The following ADAM12 variants were observed in gnomAD, a reference collection of about 807,000 sequenced individuals.
ADAM12 encodes disintegrin and metalloproteinase domain-containing protein 12.
ADAM12 carries 70 observed loss-of-function variants against 106.4 expected under a neutral mutation model. That is an observed-to-expected ratio of 0.66 (90% CI 0.54 to 0.80). The LOEUF (loss-of-function observed/expected upper bound fraction) is 0.80, where lower values mean the gene tolerates loss of function less well. ADAM12 is among the 30% of genes least tolerant of loss of function. The pLI, the probability that ADAM12 is intolerant of heterozygous loss-of-function variation, is 0.00. For synonymous variants in ADAM12, 420 were observed against 433.5 expected, an observed-to-expected ratio of 0.97 and a Z score of 0.39; for missense variants, 1,010 against 1,171.9, an observed-to-expected ratio of 0.86 and a Z score of 2.02.
intron 6 of ADAM12, among the ~76,000 whole-genome samples, chr10:126,116,071 G>A (rs1017035118): frequency 3.9e-5 from 6 of 152,184 alleles, no homozygotes; most frequent in Non-Finnish European, 7.3e-5. Context: ...ACAAAGCACC[G>A]TTGTTATTCC....
chr10:126,162,844 T>A (rs1042628043), intron 3 of ADAM12, among the ~76,000 whole-genome samples: 2 of 152,150 alleles, frequency 1.3e-5, no homozygotes, highest in Non-Finnish European at 2.9e-5. Context: ...GTAGTTTAGA[T>A]ACTTGTCCCC....
intron 10 of ADAM12, 126 bp downstream of exon 10, chr10:126,098,290 G>A: frequency 1.3e-6 from 1 of 789,574 alleles, no homozygotes; most frequent in Non-Finnish European, 2.1e-6. Flanking sequence ...TACAGCTACA[G>A]TAAAAATAGA....
Position 126,085,652 on chromosome 10 carries a change from C to T in ADAM12, c.1145+8333G>A, listed in dbSNP as rs115112910. Among the ~76,000 whole-genome samples, 481 of 152,108 alleles carry T rather than the reference C, an allele frequency of 3.2e-3. 2 individuals are homozygous for T. The highest frequency in any genetic ancestry group is 0.011 in the African/African-American group (452 of 41,386). The stretch of plus-strand genomic sequence containing the variant: ...TTCCTTCTTTCCATCCATCCTTTGT[C>T]TGTCTGTCCATCCGTCCATCCATCC... On this transcript the variant is annotated intron_variant, in intron 11 of 22. Transcript: ENST00000448723.
intron 3 of ADAM12, among the ~76,000 whole-genome samples, chr10:126,188,608 T>C (rs944496209): frequency 6.6e-6 from 1 of 152,186 alleles, no homozygotes; most frequent in African/African-American, 2.4e-5. Flanking sequence ...TCAGGGAACT[T>C]AATCAGTCAC....
intron 2 of ADAM12, among the ~76,000 whole-genome samples, chr10:126,307,856 G>C (rs1385729378): frequency 6.6e-6 from 1 of 152,242 alleles, no homozygotes; most frequent in Non-Finnish European, 1.5e-5. Context: ...GCCTCCAAAA[G>C]TGCTGGAATT....
chr10:126,098,026 A>G (rs1955589382), intron 10 of ADAM12, among the ~76,000 whole-genome samples: 1 of 152,258 alleles, frequency 6.6e-6, no homozygotes, highest in Admixed American at 6.5e-5. Flanking sequence ...CAGAACCATC[A>G]GAAAACCATC....
chr10:126,266,446 C>T lies in ADAM12; in HGVS notation c.260+12469G>A, dbSNP rs916797563. On this transcript the variant is annotated intron_variant, in intron 3 of 22. Coordinates refer to ENST00000448723, the MANE Select transcript of ADAM12 (RefSeq NM_001288973.2). ...CTTGCAGGAAGGAAGATGATGAGAC[C>T]TGAGCATGTGATTCCTTTTCCTGCA... Among the ~76,000 whole-genome samples the T allele has an allele frequency of 2.6e-5, 4 of 152,218 alleles. No individual in the cohort carries two copies. The South Asian group carries it at 6.2e-4, about 24-fold the overall frequency.
At chr10:126,352,992 G>C (rs1288838276) in intron 1 of ADAM12, among the ~76,000 whole-genome samples, 1 of 152,224 alleles carries the variant, frequency 6.6e-6, no homozygotes, top group Admixed American at 6.5e-5. Flanking sequence ...CACAAAGGCT[G>C]CTCTTGCTGT....
rs545676998 is a variant in ADAM12 at position 126,182,983 on chromosome 10, C to G, written c.261-27678G>C. The stretch of plus-strand genomic sequence containing the variant: ...GAAGCTTCATCTGTATTTACAGCCA[C>G]TCCTCATTGCTTACATTACTGCCAG... On this transcript the variant is annotated intron_variant, in intron 3 of 22. Transcript: ENST00000448723. Among the ~76,000 whole-genome samples, 5 of 152,302 alleles carry G rather than the reference C, an allele frequency of 3.3e-5. No homozygotes were observed. The East Asian group carries it at 9.7e-4, about 29-fold the overall frequency.
intron 11 of ADAM12, among the ~76,000 whole-genome samples, chr10:126,074,110 T>C (rs1479367107): frequency 3.3e-5 from 5 of 152,212 alleles, no homozygotes; most frequent in Admixed American, 2.6e-4. Context: ...TCATTCTCAC[T>C]CAGTGATACG....
intron 3 of ADAM12, among the ~76,000 whole-genome samples, chr10:126,206,862 G>GT (rs1565138271): frequency 1.4e-5 from 2 of 147,350 alleles, no homozygotes; most frequent in African/African-American, 5.0e-5. Context: ...TGTGGGGGCG[G>GT]GGGGGAGCCA....
At chr10:126,080,770 G>C (rs892390936) in intron 11 of ADAM12, among the ~76,000 whole-genome samples, 2 of 152,164 alleles carry the variant, frequency 1.3e-5, no homozygotes, top group African/African-American at 4.8e-5. Flanking sequence ...CTTTTAAAAA[G>C]AGGAATGCCA....
intron 3 of ADAM12, among the ~76,000 whole-genome samples, chr10:126,159,710 A>C (rs1386196363): frequency 6.6e-6 from 1 of 152,246 alleles, no homozygotes. Context: ...CTTTTGATAG[A>C]CAACTGTCAG....
chr10:126,343,667 T>C (rs953475717), intron 1 of ADAM12, among the ~76,000 whole-genome samples: 4 of 152,216 alleles, frequency 2.6e-5, no homozygotes, highest in Admixed American at 6.5e-5. Flanking sequence ...TATTCCTATT[T>C]CTCCAGATCC....
At position 126,039,336 on chromosome 10, in the gene ADAM12, C is replaced by T. The variant is rs145216562; in HGVS notation, c.2198G>A (p.Arg733Gln). The T allele has an allele frequency of 1.3e-5, 21 of 1,613,874 alleles. No homozygotes were observed. Among genetic ancestry groups the T allele is most frequent in the African/African-American group, 2.7e-5 (2 of 74,872 alleles). Residue 733 changes from arginine (R) to glutamine (Q), a missense_variant, in exon 19 of 23, where the codon CGA becomes CAA. Arg to Gln is a conservative substitution (Grantham distance 43). Coordinates refer to ENST00000448723, the MANE Select transcript of ADAM12 (RefSeq NM_001288973.2). ...VVYLKRKTLI[R>Q]LLFTNKKTTI... The stretch of plus-strand genomic sequence containing the variant: ...GGTCTTCTTATTTGTAAACAGCAGT[C>T]GTATCAAGGTCTTCCTTTTGAGATA...
At chr10:126,234,225 C>CT (rs995969648) in intron 3 of ADAM12, among the ~76,000 whole-genome samples, 12 of 151,538 alleles carry the variant, frequency 7.9e-5, no homozygotes, top group Admixed American at 2.6e-4. Flanking sequence ...GTCATTTCTT[C>CT]TTTTTTTTTC....
At chr10:126,368,357 T>A (rs1480207024) in intron 1 of ADAM12, among the ~76,000 whole-genome samples, 2 of 25,044 alleles carry the variant, frequency 8.0e-5, no homozygotes, top group Admixed American at 3.7e-4. Flanking sequence ...GTGTGATTTG[T>A]TTTTTTTTTT....
At chr10:126,150,469 G>C (rs571184791) in intron 4 of ADAM12, among the ~76,000 whole-genome samples, 5 of 152,052 alleles carry the variant, frequency 3.3e-5, no homozygotes, top group Non-Finnish European at 7.4e-5. Flanking sequence ...CATCTCCTCT[G>C]CCTTCCAACC....
chr10:126,088,718 C>CAAAACCA (rs1554967233), intron 11 of ADAM12, among the ~76,000 whole-genome samples: 16 of 49,700 alleles, frequency 3.2e-4, no homozygotes, highest in African/African-American at 1.4e-3. Context: ...TCTCAAAAAA[C>CAAAACCA]AAAAACAAAA....
Sources: gnomAD v4.1 joint callset for allele counts (sites outside exome capture counted in the v4.1 genomes callset) on GRCh38, gnomAD v4.1.1 for gene constraint, MANE v1.5 for transcripts, NCBI Gene and HGNC (gene_info 2026-07-23, HGNC 2026-07-21) for gene names.